PSORS1C1: variants seen among roughly 807,000 people sequenced by gnomAD.
The protein encoded by PSORS1C1 is psoriasis susceptibility 1 candidate gene 1 protein.
PSORS1C1 carries 7 observed loss-of-function variants against 9.4 expected under a neutral mutation model. That is an observed-to-expected ratio of 0.75 (90% CI 0.42 to 1.40). The LOEUF (loss-of-function observed/expected upper bound fraction) is 1.40, where lower values mean the gene tolerates loss of function less well. PSORS1C1 is among the 40% of genes most tolerant of loss of function. The pLI, the probability that PSORS1C1 is intolerant of heterozygous loss-of-function variation, is 0.01. For missense variants in PSORS1C1, 146 were observed against 178.1 expected (o/e 0.82, Z 1.02); for synonymous variants, 63 against 69.4 (o/e 0.91, Z 0.46).
chr6:31,116,960 T>C (rs1309715912), intron 1 of PSORS1C1: 3 of 1,614,186 alleles, frequency 1.9e-6, no homozygotes, highest in South Asian at 1.1e-5. Flanking sequence ...ATGTCCGAAC[T>C]ACAGGGACGC....
At chr6:31,131,597 CAAAA>C (rs9281219) in intron 3 of PSORS1C1, among the ~76,000 whole-genome samples, 1 of 78,392 alleles carries the variant, frequency 1.3e-5, no homozygotes, top group African/African-American at 5.1e-5. Context: ...GACTCCGTCT[CAAAA>C]AAAAAAAAAA....
chr6:31,128,193 G>GT lies in PSORS1C1; in HGVS notation c.-64-1375dup, dbSNP rs1772767319. ...CACCTTGACGGCTAAAGGGACACCT[G>GT]TGTGCCTTGATGGTGGACCCAGGGA... On this transcript the variant is annotated intron_variant, in intron 2 of 5. Transcript: ENST00000259881. The surrounding 1 kb of genome is among the most constrained non-coding windows in gnomAD (Gnocchi z 4.3). Among the ~76,000 whole-genome samples the GT allele has an allele frequency of 6.6e-6, 1 of 152,212 alleles. No individual in the cohort carries two copies. Among genetic ancestry groups the GT allele is most frequent in the African/African-American group, 2.4e-5 (1 of 41,454 alleles).
intron 1 of PSORS1C1, chr6:31,116,212 G>C (rs757281835): frequency 6.2e-7 from 1 of 1,613,802 alleles, no homozygotes; most frequent in Admixed American, 1.7e-5. Flanking sequence ...GGGGCCCCCA[G>C]TCAGTGTCAA....
At chr6:31,137,741 A>G (rs894147166) in intron 3 of PSORS1C1, 3 of 402,672 alleles carry the variant, frequency 7.5e-6, no homozygotes, top group Non-Finnish European at 1.3e-5. Context: ...GTCAGAGGAA[A>G]AAACGGGCGA....
At chr6:31,127,561 A>AATTATTATTATTATTATT (rs9257056) in intron 2 of PSORS1C1, among the ~76,000 whole-genome samples, 27,603 of 141,292 alleles carry the variant, frequency 0.2, 2,918 homozygotes, top group Non-Finnish European at 0.21. Flanking sequence ...AGGAGACAGG[A>AATTATTATTATTATTATT]ATTATTATTA....
At chr6:31,121,895 A>T (rs1772481289) in intron 1 of PSORS1C1, among the ~76,000 whole-genome samples, 1 of 152,244 alleles carries the variant, frequency 6.6e-6, no homozygotes, top group African/African-American at 2.4e-5. Context: ...AATTGTAATG[A>T]TGTGGTTGGC....
chr6:31,117,475 C>G lies in PSORS1C1; in HGVS notation c.-229+2584C>G. Reference sequence around the variant, plus strand: ...GCAGGGGTCGTTAGGGGAGGTGATACGCGTGGGGTCCTTACAAGGGTCTGA... The same window carrying G: ...GCAGGGGTCGTTAGGGGAGGTGATAGGCGTGGGGTCCTTACAAGGGTCTGA... On this transcript the variant is annotated intron_variant, in intron 1 of 5. Transcript: ENST00000259881. 2 of 1,553,032 alleles carry G rather than the reference C, an allele frequency of 1.3e-6. No homozygotes were observed. The highest frequency in any genetic ancestry group is 1.7e-6 in the Non-Finnish European group (2 of 1,148,324).
Position 31,128,104 on chromosome 6 carries a change from T to C in PSORS1C1, c.-64-1465T>C, listed in dbSNP as rs1273292124. 3.9e-5 allele frequency among the ~76,000 whole-genome samples: 6 copies of C among 152,128 alleles called. No individual in the cohort carries two copies. The highest frequency in any genetic ancestry group is 4.4e-5 in the Non-Finnish European group (3 of 68,018). On this transcript the variant is annotated intron_variant, in intron 2 of 5. Transcript: ENST00000259881. The surrounding 1 kb of genome is among the most constrained non-coding windows in gnomAD (Gnocchi z 4.3). ...CTTGGACAGGCAGCCTGTGCCTGAA[T>C]TTTCCTGAGGGCTTCAGAGCCTGTC...
At chr6:31,125,513 G>A (rs1772641029) in intron 1 of PSORS1C1, among the ~76,000 whole-genome samples, 163 bp from the exon 2 acceptor site, 1 of 152,190 alleles carries the variant, frequency 6.6e-6, no homozygotes, top group African/African-American at 2.4e-5. Context: ...GAAGGAGAGG[G>A]CACATCCCCA....
At chr6:31,118,685 C>G (rs1772295733) in intron 1 of PSORS1C1, 1 of 152,228 alleles carries the variant, frequency 6.6e-6, no homozygotes, top group Admixed American at 6.6e-5. Flanking sequence ...CCTCCAGGTC[C>G]CACGTGTTAC....
At position 31,138,459 on chromosome 6, in the gene PSORS1C1, G is replaced by A. The variant is rs79592231; in HGVS notation, c.43G>A (p.Gly15Ser). ...DQKSHSQRAL[G>S]TQTPALQGPQ... ...AAAAAGTCACTCTCAAAGAGCTCTC[G>A]GTAGGTTTGTAAATACTTAACTGAT... is the stretch of plus-strand genomic sequence containing the variant. Residue 15 changes from glycine (G) to serine (S), a missense_variant and splice_region_variant, in exon 4 of 6, where the codon GGC becomes AGC. Physicochemically the swap from Gly to Ser is moderately conservative, Grantham distance 56. Transcript: ENST00000259881. 13,783 of 1,612,554 alleles carry A rather than the reference G, an allele frequency of 8.5e-3. 589 individuals are homozygous for A. The highest frequency in any genetic ancestry group is 0.079 in the East Asian group (3,551 of 44,852).
chr6:31,135,418 C>G (rs3094669), intron 3 of PSORS1C1, among the ~76,000 whole-genome samples: 13,794 of 152,000 alleles, frequency 0.091, 821 homozygotes, highest in East Asian at 0.15. Context: ...CAGAGTTTCA[C>G]CATTGTCCAG....
In PSORS1C1 at chr6:31,128,637, G is replaced by GT. The variant is rs1445084485; in HGVS notation, c.-64-928dup. 6.6e-6 allele frequency among the ~76,000 whole-genome samples: 1 copy of GT among 152,168 alleles called. No individual in the cohort carries two copies. The highest frequency in any genetic ancestry group is 1.5e-5 in the Non-Finnish European group (1 of 68,024). Reference sequence around the variant, plus strand: ...TGGCTTAATTCAGCAAGTTTTTTGAGTTTTGATTCAGTGCCAGGCACCTGG... The same window carrying GT: ...TGGCTTAATTCAGCAAGTTTTTTGAGTTTTTGATTCAGTGCCAGGCACCTGG... On this transcript the variant is annotated intron_variant, in intron 2 of 5. Transcript: ENST00000259881. The surrounding 1 kb of genome is among the most constrained non-coding windows in gnomAD (Gnocchi z 4.3).
chr6:31,129,419 C>T, intron 2 of PSORS1C1, 150 bp from the exon 3 acceptor site: 1 of 579,344 alleles, frequency 1.7e-6, no homozygotes, highest in Non-Finnish European at 3.1e-6. Context: ...CAAATACCTC[C>T]ATACCATCCA....
rs149493497 is a variant in PSORS1C1, at chr6:31,131,421, G to A, written c.13+1776G>A. Among the ~76,000 whole-genome samples the A allele has an allele frequency of 9.4e-3, 1,425 of 151,054 alleles. 38 individuals carry two copies. Among genetic ancestry groups the A allele is most frequent in the South Asian group, 0.079 (374 of 4,736 alleles). On this transcript the variant is annotated intron_variant, in intron 3 of 5. Coordinates refer to ENST00000259881, the MANE Select transcript of PSORS1C1 (RefSeq NM_014068.3). ...AGCCTGGCCAACATGGTGAAACCCCGTGTCTACTAAAAAAAAACTACAAAA... is the reference window on the plus strand; with the variant it reads ...AGCCTGGCCAACATGGTGAAACCCCATGTCTACTAAAAAAAAACTACAAAA...
At chr6:31,127,217 C>A (rs1772719297) in intron 2 of PSORS1C1, among the ~76,000 whole-genome samples, 1 of 152,066 alleles carries the variant, frequency 6.6e-6, no homozygotes, top group South Asian at 2.1e-4. Flanking sequence ...CTGGGCTGGC[C>A]CTTGGAGCGC....
chr6:31,114,854 C>T lies in PSORS1C1; in HGVS notation c.-266C>T, dbSNP rs1772016150. On this transcript the variant is annotated 5_prime_UTR_variant, in exon 1 of 6. Coordinates refer to ENST00000259881, the MANE Select transcript of PSORS1C1 (RefSeq NM_014068.3). ...CAGGTGTCCCAGAAACCCAGGAAAT[C>T]GAGACTCATGACTCCCAGAGAGGAT... The T allele has an allele frequency of 6.6e-6, 3 of 455,012 alleles. No homozygotes were observed. Among genetic ancestry groups the T allele is most frequent in the Middle Eastern group, 3.2e-4 (1 of 3,098 alleles). 28.2% of individuals were successfully genotyped at this position (455,012 alleles called of 1,614,324 possible).
At chr6:31,122,485 ATGC>A (rs1772504628) in intron 1 of PSORS1C1, among the ~76,000 whole-genome samples, 1 of 152,282 alleles carries the variant, frequency 6.6e-6, no homozygotes, top group South Asian at 2.1e-4. Flanking sequence ...ATTTAAAGTG[ATGC>A]TGCTCGGCTG....
chr6:31,126,443 C>T (rs1415717492), intron 2 of PSORS1C1, among the ~76,000 whole-genome samples: 3 of 152,164 alleles, frequency 2.0e-5, no homozygotes, highest in African/African-American at 7.2e-5. Context: ...TGTCCTGGGG[C>T]CTGTCCACAC....
Sources: gnomAD v4.1 joint callset for allele counts (sites outside exome capture counted in the v4.1 genomes callset) on GRCh38, gnomAD v4.1.1 for gene constraint, Gnocchi (gnomAD v3.1) non-coding constraint, MANE v1.5 for transcripts, NCBI Gene and HGNC (gene_info 2026-07-23, HGNC 2026-07-21) for gene names.